Variants in KLHL11 observed in about 807,000 individuals in gnomAD.
KLHL11 encodes kelch like family member 11, also known as kelch-like protein 11.
In KLHL11, 26 loss-of-function variants were observed where a neutral mutation model predicts 56.1. The ratio of observed to expected loss-of-function variants is 0.46; its 90% CI spans 0.34 to 0.64. KLHL11 has a LOEUF of 0.64. Ranked by LOEUF, KLHL11 falls within the 30% of genes least tolerant of loss-of-function variation. The pLI, the probability that KLHL11 is intolerant of heterozygous loss-of-function variation, is 0.01. For synonymous variants in KLHL11, 338 were observed against 345.8 expected, an observed-to-expected ratio of 0.98 and a Z score of 0.25; for missense variants, 627 against 919.4, an observed-to-expected ratio of 0.68 and a Z score of 4.11.
rs1555622365 is a variant in KLHL11 at position 41,854,934 on chromosome 17, C to T, written c.933G>A (p.Leu311=). 6.2e-7 allele frequency: 1 copy of T among 1,614,252 alleles called. No homozygotes were observed. The highest frequency in any genetic ancestry group is 1.7e-5 in the Admixed American group (1 of 60,024). ...TGACACAAACTTCATTATTGGCTAC[C>T]AGCCTCTCTGGTTTGACATGTCGAG... is the stretch of plus-strand genomic sequence containing the variant. ...YLTRHVKPER[L]VANNEVCVKL... is the part of the protein sequence containing the mutation. The change falls in exon 2 of 2, where the codon CTG becomes CTA. Residue 311 remains leucine (L), a synonymous_variant. Coordinates refer to ENST00000319121, the MANE Select transcript of KLHL11 (RefSeq NM_018143.3). The surrounding 1 kb of genome is among the most constrained non-coding windows in gnomAD (Gnocchi z 4.9).
Position 41,854,520 on chromosome 17 carries a change from T to C in KLHL11, c.1347A>G (p.Thr449=), listed in dbSNP as rs1555622327. The C allele has an allele frequency of 6.2e-7, 1 of 1,614,234 alleles. No homozygotes were observed. Residue 449 remains threonine (T), a synonymous_variant, in exon 2 of 2, where the codon ACA becomes ACG. Transcript: ENST00000319121. The surrounding 1 kb of genome is among the most constrained non-coding windows in gnomAD (Gnocchi z 4.9). ...TGCTATAGAGCTTCCCTTTGACTTC[T>C]GTTAGTCCAAAAGAATGCTTTCTTG... The part of the protein sequence containing the change: ...LMTRKHSFGL[T]EVKGKLYSIG...
chr17:41,862,800 C>A (rs1195277536), intron 1 of KLHL11, among the ~76,000 whole-genome samples: 1 of 152,180 alleles, frequency 6.6e-6, no homozygotes, highest in African/African-American at 2.4e-5. Context: ...CATCCAGCCC[C>A]AAGGCTTTAG....
Position 41,855,054 on chromosome 17 carries a change from C to CA in KLHL11, c.812dup (p.Leu271PhefsTer9). On this transcript the variant is annotated frameshift_variant, in exon 2 of 2. Transcript: ENST00000319121. LOFTEE classifies it high-confidence loss of function. ...CTTCAGCATTTCTCTGAACCCATTT[C>CA]AAAACGGTTTCAAAGAGAACCTCTT... is the stretch of plus-strand genomic sequence containing the variant. 7.4e-6 allele frequency: 12 copies of CA among 1,614,140 alleles called. No individual in the cohort carries two copies. The highest frequency in any genetic ancestry group is 1.0e-5 in the Non-Finnish European group (12 of 1,180,030).
In KLHL11 at chr17:41,853,769, G is replaced by A. The variant is rs1555622200; in HGVS notation, c.2098C>T (p.Arg700Ter). The change falls in exon 2 of 2, where the codon CGA becomes TGA. Residue 700 changes from arginine (R) to a stop codon, truncating the protein, a stop_gained. Coordinates refer to ENST00000319121, the MANE Select transcript of KLHL11 (RefSeq NM_018143.3). LOFTEE classifies it high-confidence loss of function. ...EIHRHALNMR[R>*]VPSSQIEC ...CATTCAATCTGAGAGCTTGGCACTC[G>A]CCTCATGTTCAGGGCGTGACGATGT... The A allele has an allele frequency of 1.9e-6, 3 of 1,613,010 alleles. No individual in the cohort carries two copies. Among genetic ancestry groups the A allele is most frequent in the South Asian group, 1.1e-5 (1 of 91,010 alleles).
In KLHL11 at chr17:41,852,830, C is replaced by T. The variant is rs2048339990; in HGVS notation, c.*910G>A. On this transcript the variant is annotated 3_prime_UTR_variant, in exon 2 of 2. Transcript: ENST00000319121. ...AATAATGAAGATTCTATATAATATG[C>T]ATTAGAGCAAAAATTAAAATGGAAG... Among the ~76,000 whole-genome samples the T allele has an allele frequency of 6.6e-6, 1 of 150,842 alleles. No individual in the cohort carries two copies.
In KLHL11 at chr17:41,858,867, CCCAGCCCA is replaced by C. The variant is rs552289266; in HGVS notation, c.546-3554_546-3547del. ...GAGATTACAGGTGTGAGCCACCATG[CCCAGCCCA>C]CCAGCCTCCTCTTAAATGAAACAGG... On this transcript the variant is annotated intron_variant, in intron 1 of 1. Coordinates refer to ENST00000319121, the MANE Select transcript of KLHL11 (RefSeq NM_018143.3). 1.5e-3 allele frequency among the ~76,000 whole-genome samples: 235 copies of C among 152,162 alleles called. 2 individuals carry two copies. Among genetic ancestry groups the C allele is most frequent in the African/African-American group, 5.4e-3 (226 of 41,500 alleles).
intron 1 of KLHL11, among the ~76,000 whole-genome samples, chr17:41,855,774 C>A (rs1458306206): frequency 2.0e-5 from 3 of 150,932 alleles, no homozygotes; most frequent in Non-Finnish European, 4.4e-5. Flanking sequence ...CAGGCTCATG[C>A]AATTCTCCTG....
At position 41,853,710 on chromosome 17, in the gene KLHL11, A is replaced by G. The variant is rs2048344896; in HGVS notation, c.*30T>C. 1.9e-6 allele frequency: 3 copies of G among 1,575,732 alleles called. No individual in the cohort carries two copies. The highest frequency in any genetic ancestry group is 2.6e-6 in the Non-Finnish European group (3 of 1,159,108). On this transcript the variant is annotated 3_prime_UTR_variant, in exon 2 of 2. Coordinates refer to ENST00000319121, the MANE Select transcript of KLHL11 (RefSeq NM_018143.3). The stretch of plus-strand genomic sequence containing the variant: ...ATCTTCAGCTTCACGAAACGGGTGT[A>G]ACAGTTTTAATCGGCACGCTTGAGA...
In KLHL11 at chr17:41,849,523, A is replaced by C. The variant is rs2048320463; in HGVS notation, c.*4217T>G. 1 of 152,226 alleles carries C rather than the reference A, an allele frequency of 6.6e-6. No individual in the cohort carries two copies. Among genetic ancestry groups the C allele is most frequent in the African/African-American group, 2.4e-5 (1 of 41,470 alleles). The allele number at this position is 152,226 out of a possible 1,614,324, so 9.4% of individuals were successfully genotyped here. A position where few individuals can be genotyped will look rare whatever the true frequency, so the allele number is the denominator to read the frequency against. ...GGGTTTAAAAAACACAAAAGCACAC[A>C]AATCTTCCATAAACACTATCTTTCC... On this transcript the variant is annotated 3_prime_UTR_variant, in exon 2 of 2. Transcript: ENST00000319121.
At chr17:41,859,618 G>A (rs1178258320) in intron 1 of KLHL11, among the ~76,000 whole-genome samples, 4 of 151,898 alleles carry the variant, frequency 2.6e-5, no homozygotes, top group African/African-American at 4.8e-5. Context: ...GCGTGGTGGC[G>A]TGCATCTGTT....
At chr17:41,864,774 TCTCCCCCTCTCCGCGCC>T in intron 1 of KLHL11, 35 bp downstream of exon 1, 1 of 1,463,190 alleles carries the variant, frequency 6.8e-7, no homozygotes, top group Non-Finnish European at 9.0e-7. Context: ...CCAGCGAGCA[TCTCCCCCTCTCCGCGCC>T]CGCCGCCCTC....
Position 41,850,662 on chromosome 17 carries a change from C to T in KLHL11, c.*3078G>A, listed in dbSNP as rs2144147619. On this transcript the variant is annotated 3_prime_UTR_variant, in exon 2 of 2. Transcript: ENST00000319121. Reference sequence around the variant, plus strand: ...AGCTTCATTTAATGATTCTGTCTTACTTGCATAGACCTATCACAGCTAAGA... The same window carrying T: ...AGCTTCATTTAATGATTCTGTCTTATTTGCATAGACCTATCACAGCTAAGA... The T allele has an allele frequency of 6.6e-6, 1 of 152,298 alleles. No homozygotes were observed. The highest frequency in any genetic ancestry group is 2.1e-4 in the South Asian group (1 of 4,826). The allele number at this position is 152,298 out of a possible 1,614,324, so 9.4% of individuals were successfully genotyped here.
At chr17:41,861,686 C>CAAAAAAAAAAAAAAAAAAAAAAA (rs71155178) in intron 1 of KLHL11, among the ~76,000 whole-genome samples, 2 of 61,870 alleles carry the variant, frequency 3.2e-5, no homozygotes, top group African/African-American at 6.6e-5. Context: ...ACTCTTGTCT[C>CAAAAAAAAAAAAAAAAAAAAAAA]AAAAAAAAAA....
At chr17:41,857,426 G>C (rs1405750422) in intron 1 of KLHL11, among the ~76,000 whole-genome samples, 1 of 150,636 alleles carries the variant, frequency 6.6e-6, no homozygotes, top group Non-Finnish European at 1.5e-5. Flanking sequence ...AGAATGGCTT[G>C]AACCCAGGAG....
intron 1 of KLHL11, among the ~76,000 whole-genome samples, chr17:41,862,823 CG>C (rs1555623163): frequency 6.6e-6 from 1 of 152,128 alleles, no homozygotes; most frequent in Non-Finnish European, 1.5e-5. Context: ...ACCATTTATA[CG>C]GTAATTTTCC....
At position 41,848,751 on chromosome 17, in the gene KLHL11, G is replaced by C. The variant is rs542546881; in HGVS notation, c.*4989C>G. On this transcript the variant is annotated 3_prime_UTR_variant, in exon 2 of 2. Coordinates refer to ENST00000319121, the MANE Select transcript of KLHL11 (RefSeq NM_018143.3). ...CTTACTGCATCAACTCAAACTAAAT[G>C]TTTATTTTACAAATAACTCAACGAG... 1 of 158,230 alleles carries C rather than the reference G, an allele frequency of 6.3e-6. No individual in the cohort carries two copies. The highest frequency in any genetic ancestry group is 1.9e-4 in the East Asian group (1 of 5,368). 9.8% of individuals were successfully genotyped at this position (158,230 alleles called of 1,614,324 possible).
In KLHL11 at chr17:41,855,246, T is replaced by C. The variant is rs782565091; in HGVS notation, c.621A>G (p.Ala207=). Residue 207 remains alanine, a synonymous_variant, in exon 2 of 2, where the codon GCA becomes GCG. Transcript: ENST00000319121. ...KKKLHLSNCV[A]IHSLAHMYTL... is the part of the protein sequence containing the mutation. ...TGTACATGTGTGCTAAGCTATGAAT[T>C]GCCACACAATTTGAGAGATGAAGTT... The C allele has an allele frequency of 2.5e-6, 4 of 1,611,426 alleles. No individual in the cohort carries two copies. In the African/African-American group the frequency reaches 4.0e-5, roughly 16 times the overall value.
chr17:41,863,728 C>T (rs1425728244), intron 1 of KLHL11, among the ~76,000 whole-genome samples: 1 of 152,190 alleles, frequency 6.6e-6, no homozygotes, highest in Non-Finnish European at 1.5e-5. Context: ...AACATACAAG[C>T]TCCACCTCAG....
chr17:41,861,039 C>T (rs1367339017), intron 1 of KLHL11, among the ~76,000 whole-genome samples: 3 of 152,166 alleles, frequency 2.0e-5, no homozygotes, highest in African/African-American at 7.2e-5. Flanking sequence ...TCTCTGAGGC[C>T]TCCCCTTACT....
Sources: gnomAD v4.1 joint callset for allele counts (sites outside exome capture counted in the v4.1 genomes callset) on GRCh38, gnomAD v4.1.1 for gene constraint, Gnocchi (gnomAD v3.1) non-coding constraint, MANE v1.5 for transcripts, NCBI Gene and HGNC (gene_info 2026-07-23, HGNC 2026-07-21) for gene names.